Variants in PARD3 observed in about 807,000 individuals in gnomAD.
PARD3 encodes the protein par-3 family cell polarity regulator.
A neutral mutation model predicts 155.4 loss-of-function variants in PARD3; 75 were observed. That is an observed-to-expected ratio of 0.48 (90% CI 0.40 to 0.58). PARD3 has a LOEUF of 0.58. Ranked by LOEUF, PARD3 falls within the 20% of genes least tolerant of loss-of-function variation. PARD3 has a pLI of 0.00. For missense variants in PARD3, 1,642 were observed against 1,721.7 expected, an observed-to-expected ratio of 0.95 and a Z score of 0.82; for synonymous variants, 576 against 610.5, an observed-to-expected ratio of 0.94 and a Z score of 0.83.
At chr10:34,142,216 G>A (rs560158727) in intron 22 of PARD3, among the ~76,000 whole-genome samples, 1 of 152,192 alleles carries the variant, frequency 6.6e-6, no homozygotes, top group East Asian at 1.9e-4. Flanking sequence ...AAATGTTTTC[G>A]GGGTATACCT....
chr10:34,561,231 C>G (rs999401783), intron 2 of PARD3, among the ~76,000 whole-genome samples: 6 of 152,118 alleles, frequency 3.9e-5, no homozygotes, highest in Admixed American at 2.6e-4. Flanking sequence ...ATCCCCGAAC[C>G]TTTTTCTTCT....
chr10:34,181,418 C>T (rs1297378192), intron 22 of PARD3, among the ~76,000 whole-genome samples: 3 of 152,064 alleles, frequency 2.0e-5, no homozygotes, highest in African/African-American at 7.2e-5. Flanking sequence ...CATTCATATG[C>T]AAAAACTCAG....
chr10:34,448,914 TTA>T (rs2076904075), intron 5 of PARD3, among the ~76,000 whole-genome samples: 1 of 148,702 alleles, frequency 6.7e-6, no homozygotes, highest in Non-Finnish European at 1.5e-5. Context: ...GATGGATAAA[TTA>T]TCTTTTTTTT....
At chr10:34,337,704 CA>C (rs1284258649) in intron 16 of PARD3, among the ~76,000 whole-genome samples, 1 of 152,068 alleles carries the variant, frequency 6.6e-6, no homozygotes, top group Non-Finnish European at 1.5e-5. Flanking sequence ...CTCTATTTGA[CA>C]ATACAGAATT....
At chr10:34,165,875 C>T (rs1021307017) in intron 22 of PARD3, among the ~76,000 whole-genome samples, 1 of 152,202 alleles carries the variant, frequency 6.6e-6, no homozygotes, top group Admixed American at 6.5e-5. Context: ...AAAAACACAA[C>T]CATTATTCTA....
rs116870856 is a variant in PARD3 at position 34,346,391 on chromosome 10, C to T, written c.2218+1574G>A. The T allele has an allele frequency of 2.6e-4, 343 of 1,331,910 alleles. 4 individuals carry two copies. The East Asian group carries it at 0.01, about 40-fold the overall frequency. 82.5% of individuals were successfully genotyped at this position (1,331,910 alleles called of 1,614,324 possible). A position where few individuals can be genotyped will look rare whatever the true frequency, so the allele number is the denominator to read the frequency against. ...GAAGCATCAGGGATTGGAGGCAGGA[C>T]GCAGGTTACAGGAACTGGTGGACCA... is the stretch of plus-strand genomic sequence containing the variant. On this transcript the variant is annotated intron_variant, in intron 15 of 24. Coordinates refer to ENST00000374788, the MANE Select transcript of PARD3 (RefSeq NM_001184785.2).
In PARD3 at chr10:34,259,068, T is replaced by TA. The variant is rs1272854477; in HGVS notation, c.3419+10588dup. 7.9e-3 allele frequency among the ~76,000 whole-genome samples: 1,189 copies of TA among 149,710 alleles called. 16 individuals are homozygous for TA. The highest frequency in any genetic ancestry group is 0.027 in the African/African-American group (1,108 of 40,704). On this transcript the variant is annotated intron_variant, in intron 22 of 24. Transcript: ENST00000374788. ...GGGTGACAGAGCAAGATTCTGTCTC[T>TA]AAAAAAAAAGGATAGTTTCAAAGGA...
chr10:34,538,624 A>G (rs1459350084), intron 2 of PARD3, among the ~76,000 whole-genome samples: 2 of 152,172 alleles, frequency 1.3e-5, no homozygotes, highest in Admixed American at 6.5e-5. Context: ...ACACCAACCG[A>G]GGGAGTGAAA....
At chr10:34,792,827 G>T (rs7907384) in intron 1 of PARD3, among the ~76,000 whole-genome samples, 53,714 of 152,138 alleles carry the variant, frequency 0.35, 10,633 homozygotes, top group African/African-American at 0.55. Context: ...CAGCTCACTC[G>T]CTCTTAAATG....
intron 2 of PARD3, among the ~76,000 whole-genome samples, chr10:34,668,324 T>C (rs2133223519): frequency 6.6e-6 from 1 of 152,348 alleles, no homozygotes; most frequent in East Asian, 1.9e-4. Context: ...AACCCTTCTC[T>C]TTTCATTATA....
intron 3 of PARD3, among the ~76,000 whole-genome samples, chr10:34,483,808 G>C (rs1246657751): frequency 6.6e-6 from 1 of 152,180 alleles, no homozygotes; most frequent in Non-Finnish European, 1.5e-5. Flanking sequence ...CTGCTCCTAG[G>C]AGAAATACAA....
At chr10:34,628,764 G>A (rs913699788) in intron 2 of PARD3, among the ~76,000 whole-genome samples, 6 of 152,302 alleles carry the variant, frequency 3.9e-5, no homozygotes, top group African/African-American at 1.4e-4. Context: ...TAATTTTAGA[G>A]AGTGAGGCAG....
chr10:34,325,582 C>T (rs947700753), intron 19 of PARD3, among the ~76,000 whole-genome samples: 1 of 152,074 alleles, frequency 6.6e-6, no homozygotes, highest in African/African-American at 2.4e-5. Context: ...AACTGAACCA[C>T]ACTCCTTATC....
intron 1 of PARD3, among the ~76,000 whole-genome samples, chr10:34,789,317 T>C (rs1841370775): frequency 6.6e-6 from 1 of 152,098 alleles, no homozygotes; most frequent in Non-Finnish European, 1.5e-5. Flanking sequence ...TACCAAAATT[T>C]TTGCGAGACA....
At chr10:34,631,690 A>G (rs748182666) in intron 2 of PARD3, among the ~76,000 whole-genome samples, 5 of 152,126 alleles carry the variant, frequency 3.3e-5, no homozygotes, top group Non-Finnish European at 7.4e-5. Flanking sequence ...TACAGCCTCA[A>G]CCTCCTGCAC....
intron 3 of PARD3, among the ~76,000 whole-genome samples, chr10:34,481,887 G>C (rs1198583117): frequency 6.6e-6 from 1 of 151,958 alleles, no homozygotes; most frequent in Non-Finnish European, 1.5e-5. Flanking sequence ...AATGGGAGTA[G>C]AGTGGTACAA....
At chr10:34,358,563 C>T (rs778212574) in intron 14 of PARD3, among the ~76,000 whole-genome samples, 2 of 152,090 alleles carry the variant, frequency 1.3e-5, no homozygotes, top group South Asian at 2.1e-4. Flanking sequence ...TGCTATGGCG[C>T]GTGCCTGTAA....
chr10:34,522,828 G>C (rs919162925), intron 2 of PARD3, among the ~76,000 whole-genome samples: 3 of 151,996 alleles, frequency 2.0e-5, no homozygotes, highest in Non-Finnish European at 2.9e-5. Context: ...TCAGAGAGAT[G>C]AATCTGACTA....
intron 7 of PARD3, among the ~76,000 whole-genome samples, chr10:34,390,166 T>G (rs910677919): frequency 6.6e-6 from 1 of 152,234 alleles, no homozygotes; most frequent in African/African-American, 2.4e-5. Flanking sequence ...GCATATTTAT[T>G]CTCAGCTAGT....
Sources: allele counts gnomAD v4.1 joint callset (sites outside exome capture counted in the v4.1 genomes callset), GRCh38; gene constraint gnomAD v4.1.1; transcripts MANE v1.5; gene names NCBI Gene and HGNC (gene_info 2026-07-23, HGNC 2026-07-21).